Variants in ITGB6 observed in about 807,000 individuals in gnomAD.
ITGB6 encodes the protein integrin subunit beta 6.
Under a neutral mutation model 84.5 loss-of-function variants are expected in ITGB6, and 80 were observed. The observed-to-expected ratio is 0.95, with a 90% CI of 0.79 to 1.14. The LOEUF (loss-of-function observed/expected upper bound fraction) is 1.14. ITGB6 is among the 50% of genes most tolerant of loss of function. The pLI is 0.00. For synonymous variants in ITGB6, 383 were observed against 354.9 expected (o/e 1.08, Z -0.89); for missense variants, 1,006 against 968.0 (o/e 1.04, Z -0.52).
intron 7 of ITGB6, among the ~76,000 whole-genome samples, chr2:160,147,810 CA>C (rs1340408598): frequency 6.6e-6 from 1 of 152,146 alleles, no homozygotes; most frequent in African/African-American, 2.4e-5. Context: ...ACACCCTTCA[CA>C]AACATTAGCT....
chr2:160,130,473 G>A (rs900932793), intron 10 of ITGB6, among the ~76,000 whole-genome samples: 5 of 151,988 alleles, frequency 3.3e-5, no homozygotes, highest in Non-Finnish European at 7.4e-5. Context: ...ACTGTAAGTC[G>A]AGCAACACAC....
In ITGB6 at chr2:160,100,260, C is replaced by T. The variant is rs1186348542; in HGVS notation, c.*1476G>A. On this transcript the variant is annotated 3_prime_UTR_variant, in exon 15 of 15. Transcript: ENST00000283249. ...CACGAAGCCTCCACTACATAATGAA[C>T]TATTCACCTAGTAAAAGCTTCACAT... 6.6e-6 allele frequency: 1 copy of T among 152,212 alleles called. No individual in the cohort carries two copies. Among genetic ancestry groups the T allele is most frequent in the Non-Finnish European group, 1.5e-5 (1 of 68,032 alleles). The allele number at this position is 152,212 out of a possible 1,614,324, so 9.4% of individuals were successfully genotyped here.
intron 4 of ITGB6, among the ~76,000 whole-genome samples, chr2:160,191,581 C>A (rs1319573575): frequency 6.6e-6 from 1 of 152,202 alleles, no homozygotes; most frequent in African/African-American, 2.4e-5. Flanking sequence ...TGGTAAAACA[C>A]TGATCCTTTC....
intron 6 of ITGB6, among the ~76,000 whole-genome samples, chr2:160,171,580 C>T (rs1252924359): frequency 3.3e-5 from 5 of 152,044 alleles, no homozygotes; most frequent in Admixed American, 6.5e-5. Context: ...CGTGATCCAC[C>T]GCCTCGGCCT....
rs147828856 is a variant in ITGB6, at chr2:160,137,632, G to T, written c.1462C>A (p.Pro488Thr). 2 of 1,614,186 alleles carry T rather than the reference G, an allele frequency of 1.2e-6. No individual in the cohort carries two copies. Among genetic ancestry groups the T allele is most frequent in the Non-Finnish European group, 1.7e-6 (2 of 1,180,028 alleles). ...VCACHPGHMG[P>T]RCECGEDMLS... ...ATGTCCTCGCCACACTCACAGCGAG[G>T]CCCCATGTGGCCAGGGTGGCAGGCA... The change falls in exon 10 of 15, where the codon CCT (proline) becomes ACT (threonine). Residue 488 changes from proline (P) to threonine (T), a missense_variant. Coordinates refer to ENST00000283249, the MANE Select transcript of ITGB6 (RefSeq NM_000888.5).
intron 10 of ITGB6, among the ~76,000 whole-genome samples, chr2:160,133,044 T>C (rs989969551): frequency 2.6e-5 from 4 of 152,136 alleles, no homozygotes; most frequent in African/African-American, 9.7e-5. Flanking sequence ...TTATCCTTGG[T>C]AGCATGCTTA....
rs1052551605 is a variant in ITGB6, at chr2:160,100,092, C to T, written c.*1644G>A. 2.1e-4 allele frequency: 32 copies of T among 152,134 alleles called. No homozygotes were observed. The highest frequency in any genetic ancestry group is 6.8e-4 in the African/African-American group (28 of 41,410). 9.4% of individuals were successfully genotyped at this position (152,134 alleles called of 1,614,324 possible). On this transcript the variant is annotated 3_prime_UTR_variant, in exon 15 of 15. Coordinates refer to ENST00000283249, the MANE Select transcript of ITGB6 (RefSeq NM_000888.5). ...ATTTTTCAGTAATTCTTTCACCTAG[C>T]CCTGTACTCTGTAAAGGTCTGATTT...
chr2:160,142,167 A>C, intron 7 of ITGB6, 96 bp from the exon 8 acceptor site: 1 of 702,696 alleles, frequency 1.4e-6, no homozygotes, highest in South Asian at 1.8e-5. Context: ...CCTCTATTTA[A>C]CTGGCCAGGG....
intron 11 of ITGB6, among the ~76,000 whole-genome samples, chr2:160,125,939 T>C (rs928304945): frequency 3.9e-5 from 6 of 152,166 alleles, no homozygotes; most frequent in Admixed American, 3.9e-4. Context: ...TGTGAGCCTA[T>C]AGATAGGAAT....
chr2:160,148,867 G>A (rs1052564334), intron 7 of ITGB6, among the ~76,000 whole-genome samples: 1 of 152,234 alleles, frequency 6.6e-6, no homozygotes, highest in Non-Finnish European at 1.5e-5. Flanking sequence ...GTCTGAGATC[G>A]ATCTGCGAGA....
intron 4 of ITGB6, among the ~76,000 whole-genome samples, chr2:160,187,493 G>C (rs1187047843): frequency 2.0e-5 from 3 of 152,082 alleles, no homozygotes; most frequent in Non-Finnish European, 4.4e-5. Context: ...ATTGAAAAAA[G>C]CTATTATATG....
chr2:160,176,843 T>C (rs544346832), intron 4 of ITGB6, among the ~76,000 whole-genome samples: 2 of 152,344 alleles, frequency 1.3e-5, no homozygotes, highest in East Asian at 1.9e-4. Context: ...TAAATTGTAA[T>C]TGTTGTGAGA....
intron 4 of ITGB6, among the ~76,000 whole-genome samples, chr2:160,194,372 T>A (rs573613626): frequency 8.5e-5 from 13 of 152,050 alleles, no homozygotes; most frequent in African/African-American, 3.1e-4. Context: ...TTATAGAGAT[T>A]GATGCCTTTG....
chr2:160,187,314 T>C (rs779548574), intron 4 of ITGB6, among the ~76,000 whole-genome samples: 7 of 152,156 alleles, frequency 4.6e-5, no homozygotes, highest in Non-Finnish European at 8.8e-5. Context: ...AAAAAATCCA[T>C]TCAAAATGAA....
At chr2:160,121,581 C>T (rs1469283946) in intron 12 of ITGB6, among the ~76,000 whole-genome samples, 6 of 151,998 alleles carry the variant, frequency 3.9e-5, no homozygotes, top group African/African-American at 1.2e-4. Context: ...GCTCAGAGTT[C>T]GAGGCCAGCC....
At chr2:160,102,210 G>T (rs1696748507) in intron 14 of ITGB6, among the ~76,000 whole-genome samples, 1 of 152,040 alleles carries the variant, frequency 6.6e-6, no homozygotes, top group African/African-American at 2.4e-5. Context: ...AACCAAAAGT[G>T]AAATCAAAGC....
intron 4 of ITGB6, among the ~76,000 whole-genome samples, 193 bp downstream of exon 4, chr2:160,195,176 G>A (rs1368181706): frequency 1.3e-5 from 2 of 152,130 alleles, no homozygotes; most frequent in African/African-American, 4.8e-5. Context: ...AAGGACCCAC[G>A]GCTAGAACCA....
intron 7 of ITGB6, among the ~76,000 whole-genome samples, chr2:160,168,073 A>G (rs570549781): frequency 1.6e-4 from 24 of 152,360 alleles, no homozygotes; most frequent in South Asian, 4.1e-4. Context: ...TGCCCATATC[A>G]GGTGAACCCA....
intron 4 of ITGB6, among the ~76,000 whole-genome samples, chr2:160,191,667 G>C (rs977454940): frequency 6.6e-6 from 1 of 151,944 alleles, no homozygotes; most frequent in African/African-American, 2.4e-5. Context: ...GACCCAAGTC[G>C]GTGCAATAAG....
Sources: gnomAD v4.1 joint callset for allele counts (sites outside exome capture counted in the v4.1 genomes callset) on GRCh38, gnomAD v4.1.1 for gene constraint, MANE v1.5 for transcripts, NCBI Gene and HGNC (gene_info 2026-07-23, HGNC 2026-07-21) for gene names.